The following MACF1 variants were observed in gnomAD, a reference collection of about 807,000 sequenced individuals.
The protein encoded by MACF1 is microtubule actin crosslinking factor 1.
MACF1 carries 193 observed loss-of-function variants against 854.8 expected under a neutral mutation model. The ratio of observed to expected loss-of-function variants is 0.23; its 90% confidence interval spans 0.20 to 0.25. MACF1 has a LOEUF of 0.25. MACF1 is among the 10% of genes least tolerant of loss of function. The pLI is 1.00. For missense variants in MACF1, 7,722 were observed against 8,929.1 expected (o/e 0.86, Z 5.45); for synonymous variants, 3,185 against 3,226.7 (o/e 0.99, Z 0.44).
At chr1:39,224,045 C>G (rs1644684932) in intron 1 of MACF1, among the ~76,000 whole-genome samples, 1 of 152,080 alleles carries the variant, frequency 6.6e-6, no homozygotes, top group African/African-American at 2.4e-5. Flanking sequence ...TGGTAAAGGC[C>G]TGAGCTAAAG....
In MACF1 at chr1:39,454,153, G is replaced by A. The variant is rs1644390521; in HGVS notation, c.20886+303G>A. ...CCCTTGAACAATGTGTATTTCAACTGCACAGGTCCACTTATATGCGGTTAT... is the reference window on the plus strand; with the variant it reads ...CCCTTGAACAATGTGTATTTCAACTACACAGGTCCACTTATATGCGGTTAT... On this transcript the variant is annotated intron_variant, in intron 88 of 100. Transcript: ENST00000564288. Among the ~76,000 whole-genome samples, 3 of 152,300 alleles carry A rather than the reference G, an allele frequency of 2.0e-5. No homozygotes were observed. The South Asian group carries it at 6.2e-4, about 32-fold the overall frequency.
chr1:39,221,462 A>G (rs1206939427), intron 1 of MACF1, among the ~76,000 whole-genome samples: 1 of 152,144 alleles, frequency 6.6e-6, no homozygotes, highest in East Asian at 1.9e-4. Context: ...AAAGATTCCA[A>G]CTGTCTGTGA....
chr1:39,413,164 G>A lies in MACF1; in HGVS notation c.15817-9210G>A, dbSNP rs753926462. On this transcript the variant is annotated intron_variant, in intron 58 of 100. Coordinates refer to ENST00000564288, the MANE Select transcript of MACF1 (RefSeq NM_001394062.1). The stretch of plus-strand genomic sequence containing the variant: ...AGCTATTACAGTACCCATCACAGAG[G>A]AGGATGGTACACCAGAAGGGCCTGT... The A allele has an allele frequency of 2.5e-6, 4 of 1,613,402 alleles. No homozygotes were observed. In the Admixed American group the frequency reaches 5.0e-5, roughly 20 times the overall value.
At chr1:39,454,261 G>A (rs191543756) in intron 88 of MACF1, among the ~76,000 whole-genome samples, 2 of 152,308 alleles carry the variant, frequency 1.3e-5, no homozygotes, top group East Asian at 1.9e-4. Flanking sequence ...AGTATTCACG[G>A]GAAGCGAAGC....
Position 39,398,139 on chromosome 1 carries a change from C to CTTTTT in MACF1, c.15816+9496_15816+9500dup, listed in dbSNP as rs750827427. ...CAGAGACTCCCACTCCCCGCCACTC[C>CTTTTT]TTTTTTTTTTTTTTTTTTTAAACAG... is the stretch of plus-strand genomic sequence containing the variant. On this transcript the variant is annotated intron_variant, in intron 58 of 100. Coordinates refer to ENST00000564288, the MANE Select transcript of MACF1 (RefSeq NM_001394062.1). Among the ~76,000 whole-genome samples, 40 of 134,310 alleles carry CTTTTT rather than the reference C, an allele frequency of 3.0e-4. 1 individual carries two copies. Among genetic ancestry groups the CTTTTT allele is most frequent in the African/African-American group, 8.7e-4 (31 of 35,488 alleles). 88.1% of individuals were successfully genotyped at this position (134,310 alleles called of 152,430 possible). A position where few individuals can be genotyped will look rare whatever the true frequency, so the allele number is the denominator to read the frequency against.
Position 39,105,439 on chromosome 1 carries a change from G to C in MACF1, c.220+21001G>C. On this transcript the variant is annotated intron_variant, in intron 2 of 93. Coordinates refer to the MACF1 transcript ENST00000361689. This position sits in a 1 kb window ranked among gnomAD's most constrained non-coding sequence, Gnocchi z 5.9. ...CCGGCGGAGCGCGAGCGGGCCGGGTGCGAGCGGACTGAGGAGCGGAGCGCG... is the reference window on the plus strand; with the variant it reads ...CCGGCGGAGCGCGAGCGGGCCGGGTCCGAGCGGACTGAGGAGCGGAGCGCG... 1 of 994,190 alleles carries C rather than the reference G, an allele frequency of 1.0e-6. No individual in the cohort carries two copies. Among genetic ancestry groups the C allele is most frequent in the Non-Finnish European group, 1.2e-6 (1 of 837,350 alleles). The allele number at this position is 994,190 out of a possible 1,614,324, so 61.6% of individuals were successfully genotyped here.
At chr1:39,441,680 C>T (rs1185737028) in intron 74 of MACF1, among the ~76,000 whole-genome samples, 1 of 152,170 alleles carries the variant, frequency 6.6e-6, no homozygotes, top group Non-Finnish European at 1.5e-5. Context: ...AGCTTGCTAG[C>T]TGGGATTGAA....
At chr1:39,348,091 T>C (rs1455819991) in intron 41 of MACF1, among the ~76,000 whole-genome samples, 1 of 152,178 alleles carries the variant, frequency 6.6e-6, no homozygotes, top group Admixed American at 6.5e-5. Flanking sequence ...GTGCAAAAAA[T>C]TGAGCTTTTG....
chr1:39,308,053 T>C (rs1396710955), intron 23 of MACF1, among the ~76,000 whole-genome samples: 3 of 150,982 alleles, frequency 2.0e-5, no homozygotes, highest in African/African-American at 7.3e-5. Context: ...TACAGGCATC[T>C]GCCACCACGC....
chr1:39,175,771 G>A (rs1423842646), intron 2 of MACF1, among the ~76,000 whole-genome samples: 1 of 151,398 alleles, frequency 6.6e-6, no homozygotes, highest in Non-Finnish European at 1.5e-5. Context: ...TGGCCAACGT[G>A]GTGAAAGCCT....
At chr1:39,109,736 A>T (rs559683420) in intron 2 of MACF1, among the ~76,000 whole-genome samples, 1 of 152,316 alleles carries the variant, frequency 6.6e-6, no homozygotes, top group African/African-American at 2.4e-5. Context: ...ACAGAGACTT[A>T]AAATTACTGT....
At chr1:39,217,240 CTATTTTATTTTATTTTATTTTATTT>C (rs60350458) in intron 1 of MACF1, among the ~76,000 whole-genome samples, 24 of 135,910 alleles carry the variant, frequency 1.8e-4, no homozygotes, top group South Asian at 7.8e-4. Flanking sequence ...GATTTAGGGT[CTATTTTATTTTATTTTATTTTATTT>C]TATTTTATTT....
At chr1:39,484,264 T>C (rs1184140194) in intron 99 of MACF1, among the ~76,000 whole-genome samples, 1 of 152,252 alleles carries the variant, frequency 6.6e-6, no homozygotes, top group Non-Finnish European at 1.5e-5. Flanking sequence ...CTAGTATTAT[T>C]TGAATTTCTT....
chr1:39,179,493 G>A (rs1644075802), intron 2 of MACF1, among the ~76,000 whole-genome samples: 1 of 152,148 alleles, frequency 6.6e-6, no homozygotes, highest in Non-Finnish European at 1.5e-5. Flanking sequence ...ATCTCTGTAA[G>A]TCTTAGTTTC....
intron 1 of MACF1, among the ~76,000 whole-genome samples, chr1:39,211,430 T>C (rs1311398133): frequency 6.6e-6 from 1 of 152,134 alleles, no homozygotes; most frequent in African/African-American, 2.4e-5. Context: ...ATTTTTTAAA[T>C]TTAAAAAAAA....
chr1:39,358,089 A>G (rs951846808), intron 45 of MACF1, among the ~76,000 whole-genome samples, 196 bp downstream of exon 45: 6 of 152,242 alleles, frequency 3.9e-5, no homozygotes, highest in Non-Finnish European at 1.5e-5. Context: ...AAGGCCTGAT[A>G]GCTAGCTAAT....
rs1644530970 is a variant in MACF1 at position 39,460,377 on chromosome 1, G to A, written c.21361-255G>A. ...CTGGCTTCACCCATTCTCATTCTGT[G>A]TGCTCCATATTTTCCATGGTGATTC... On this transcript the variant is annotated intron_variant, in intron 91 of 100. Coordinates refer to ENST00000564288, the MANE Select transcript of MACF1 (RefSeq NM_001394062.1). The surrounding 1 kb of genome is among the most constrained non-coding windows in gnomAD (Gnocchi z 4.1). 6.6e-6 allele frequency among the ~76,000 whole-genome samples: 1 copy of A among 152,190 alleles called. No homozygotes were observed. Among genetic ancestry groups the A allele is most frequent in the Non-Finnish European group, 1.5e-5 (1 of 68,042 alleles).
At chr1:39,293,672 G>T (rs1645840945) in intron 18 of MACF1, 53 bp downstream of exon 18, 1 of 1,554,274 alleles carries the variant, frequency 6.4e-7, no homozygotes, top group African/African-American at 1.4e-5. Context: ...GCAGCAGAAG[G>T]AGACAGGGCC....
rs74660345 is a variant in MACF1, at chr1:39,392,611, A to G, written c.15816+3953A>G. On this transcript the variant is annotated intron_variant, in intron 58 of 100. Coordinates refer to ENST00000564288, the MANE Select transcript of MACF1 (RefSeq NM_001394062.1). ...ACGGAAACTCTGCTTTAACCCAGCT[A>G]ACTCCATGGGAGCTAGAATAGACAG... Among the ~76,000 whole-genome samples, 760 of 152,272 alleles carry G rather than the reference A, an allele frequency of 5.0e-3. 8 individuals carry two copies. Among genetic ancestry groups the G allele is most frequent in the African/African-American group, 0.012 (488 of 41,542 alleles).
Sources: allele counts gnomAD v4.1 joint callset (sites outside exome capture counted in the v4.1 genomes callset), GRCh38; gene constraint gnomAD v4.1.1; non-coding constraint Gnocchi (gnomAD v3.1); transcripts MANE v1.5; gene names NCBI Gene and HGNC (gene_info 2026-07-23, HGNC 2026-07-21).